The following UNC5D variants were observed in gnomAD, a reference collection of about 807,000 sequenced individuals.
UNC5D encodes unc-5 netrin receptor D, also known as netrin receptor UNC5D.
In UNC5D, 39 loss-of-function variants were observed where a neutral mutation model predicts 105.4. That is an observed-to-expected ratio of 0.37 (90% CI 0.29 to 0.48). The LOEUF (loss-of-function observed/expected upper bound fraction) is 0.48, where lower values mean the gene tolerates loss of function less well. Ranked by LOEUF, UNC5D falls within the 20% of genes least tolerant of loss-of-function variation. The probability of loss-of-function intolerance (pLI) is 0.98; values close to 1 mark genes in which losing one functional copy is unlikely to be tolerated. For missense variants in UNC5D, 991 were observed against 1,202.4 expected, an observed-to-expected ratio of 0.82 and a Z score of 2.60; for synonymous variants, 452 against 450.4, an observed-to-expected ratio of 1.00 and a Z score of -0.04.
At chr8:35,516,516 C>T (rs757906103) in intron 1 of UNC5D, among the ~76,000 whole-genome samples, 2 of 152,170 alleles carry the variant, frequency 1.3e-5, no homozygotes, top group African/African-American at 2.4e-5. Flanking sequence ...CTGTGTTGAT[C>T]GTAATCTTTC....
At chr8:35,599,672 G>A (rs1166369542) in intron 4 of UNC5D, among the ~76,000 whole-genome samples, 1 of 152,026 alleles carries the variant, frequency 6.6e-6, no homozygotes, top group East Asian at 1.9e-4. Flanking sequence ...GTTTTGTTTT[G>A]TCTTTCTCTC....
At chr8:35,385,471 T>C (rs1803327871) in intron 1 of UNC5D, among the ~76,000 whole-genome samples, 1 of 146,190 alleles carries the variant, frequency 6.8e-6, no homozygotes, top group Non-Finnish European at 1.5e-5. Context: ...TCTTTTTTTT[T>C]TTTTTTTTTT....
chr8:35,544,459 G>A, intron 1 of UNC5D: 5 of 1,613,950 alleles, frequency 3.1e-6, no homozygotes, highest in Non-Finnish European at 4.2e-6. Context: ...TGATCCTGGT[G>A]TTAGTTAAAG....
chr8:35,474,527 T>G (rs1809952705), intron 1 of UNC5D, among the ~76,000 whole-genome samples: 1 of 152,222 alleles, frequency 6.6e-6, no homozygotes, highest in Non-Finnish European at 1.5e-5. Context: ...GCTATCGTAG[T>G]TGAGTTTGAA....
chr8:35,409,592 C>G (rs560171129), intron 1 of UNC5D, among the ~76,000 whole-genome samples: 3 of 150,872 alleles, frequency 2.0e-5, no homozygotes, highest in South Asian at 4.2e-4. Context: ...TAAATTGGGA[C>G]TTTTGCTTTC....
intron 1 of UNC5D, among the ~76,000 whole-genome samples, chr8:35,520,924 A>G (rs935403846): frequency 6.6e-6 from 1 of 152,160 alleles, no homozygotes. Context: ...TTTTGTTTGT[A>G]TAAAATACTT....
intron 11 of UNC5D, among the ~76,000 whole-genome samples, chr8:35,743,410 C>T (rs1829856553): frequency 6.6e-6 from 1 of 151,854 alleles, no homozygotes; most frequent in Non-Finnish European, 1.5e-5. Flanking sequence ...GCTGGGACTA[C>T]AGGCATGCAC....
chr8:35,437,327 G>A (rs1807084524), intron 1 of UNC5D, among the ~76,000 whole-genome samples: 2 of 151,768 alleles, frequency 1.3e-5, no homozygotes, highest in African/African-American at 4.8e-5. Context: ...TCTCCAGCAT[G>A]GAATGAGTAG....
rs57689002 is a variant in UNC5D at position 35,716,931 on chromosome 8, T to A, written c.1118-5279T>A. 2.0e-5 allele frequency among the ~76,000 whole-genome samples: 3 copies of A among 152,328 alleles called. No individual in the cohort carries two copies. In the East Asian group the frequency reaches 5.8e-4, roughly 29 times the overall value. On this transcript the variant is annotated intron_variant, in intron 8 of 16. Coordinates refer to ENST00000404895, the MANE Select transcript of UNC5D (RefSeq NM_080872.4). Reference sequence around the variant, plus strand: ...CATATTTCAGCATGCAATTAAATATTTTGGCAGGGCACTTTGTATCAACAC... The same window carrying A: ...CATATTTCAGCATGCAATTAAATATATTGGCAGGGCACTTTGTATCAACAC...
chr8:35,489,140 G>A (rs1254247260), intron 1 of UNC5D, among the ~76,000 whole-genome samples: 1 of 151,858 alleles, frequency 6.6e-6, no homozygotes, highest in Non-Finnish European at 1.5e-5. Flanking sequence ...CCAAGTAGCT[G>A]GGACTACAAG....
At position 35,518,975 on chromosome 8, in the gene UNC5D, C is replaced by G. The variant is rs74404073; in HGVS notation, c.104-30317C>G. ...TTTTAACAACATTTGACCTAAAATC[C>G]TAGTTCTATAATTGAAGCCTCATTC... On this transcript the variant is annotated intron_variant, in intron 1 of 16. Coordinates refer to ENST00000404895, the MANE Select transcript of UNC5D (RefSeq NM_080872.4). 6.5e-4 allele frequency among the ~76,000 whole-genome samples: 99 copies of G among 152,218 alleles called. No homozygotes were observed. The East Asian group carries it at 0.014, about 22-fold the overall frequency.
intron 1 of UNC5D, among the ~76,000 whole-genome samples, chr8:35,478,720 G>A (rs1311220638): frequency 6.6e-6 from 1 of 152,134 alleles, no homozygotes; most frequent in Non-Finnish European, 1.5e-5. Flanking sequence ...GTATTGAAAT[G>A]TGTTAATAAC....
At chr8:35,239,563 A>G (rs1026498809) in intron 1 of UNC5D, among the ~76,000 whole-genome samples, 1 of 151,264 alleles carries the variant, frequency 6.6e-6, no homozygotes, top group African/African-American at 2.4e-5. Context: ...AAGACAAGTG[A>G]TTTATTCCAT....
At chr8:35,500,247 G>A (rs967643060) in intron 1 of UNC5D, among the ~76,000 whole-genome samples, 1 of 152,094 alleles carries the variant, frequency 6.6e-6, no homozygotes, top group Admixed American at 6.5e-5. Flanking sequence ...TCTGTTGAGG[G>A]CCTTCCTACT....
At chr8:35,244,153 C>A (rs1281348739) in intron 1 of UNC5D, among the ~76,000 whole-genome samples, 4 of 152,102 alleles carry the variant, frequency 2.6e-5, no homozygotes, top group African/African-American at 9.7e-5. Flanking sequence ...TTGTACCCGC[C>A]CTAATATTGA....
Position 35,794,332 on chromosome 8 carries a change from C to A in UNC5D, c.*3769C>A, listed in dbSNP as rs1279495677. ...AATCGTGAAGGAGCTGAGAAATCTT[C>A]CTCTCCGGCCCACTGTCTGTGGCCC... On this transcript the variant is annotated 3_prime_UTR_variant, in exon 17 of 17. Coordinates refer to ENST00000404895, the MANE Select transcript of UNC5D (RefSeq NM_080872.4). 1 of 152,192 alleles carries A rather than the reference C, an allele frequency of 6.6e-6. No individual in the cohort carries two copies. Among genetic ancestry groups the A allele is most frequent in the Non-Finnish European group, 1.5e-5 (1 of 68,046 alleles). 9.4% of individuals were successfully genotyped at this position (152,192 alleles called of 1,614,324 possible).
At chr8:35,708,682 AG>A (rs1827754249) in intron 8 of UNC5D, among the ~76,000 whole-genome samples, 1 of 152,250 alleles carries the variant, frequency 6.6e-6, no homozygotes, top group South Asian at 2.1e-4. Flanking sequence ...GTTCACCTGA[AG>A]GGGTGAAAAG....
At chr8:35,683,485 T>C (rs1586424872) in intron 4 of UNC5D, 62 bp from the exon 5 acceptor site, 1 of 1,514,116 alleles carries the variant, frequency 6.6e-7, no homozygotes, top group Non-Finnish European at 8.8e-7. Context: ...TGCTCACTTT[T>C]CAATTCCAGA....
chr8:35,412,715 G>T (rs1805254595), intron 1 of UNC5D, among the ~76,000 whole-genome samples: 1 of 152,070 alleles, frequency 6.6e-6, no homozygotes, highest in South Asian at 2.1e-4. Context: ...ACACCAGTAG[G>T]TTGGCCATTC....
Sources: allele counts gnomAD v4.1 joint callset (sites outside exome capture counted in the v4.1 genomes callset), GRCh38; gene constraint gnomAD v4.1.1; transcripts MANE v1.5; gene names NCBI Gene and HGNC (gene_info 2026-07-23, HGNC 2026-07-21).